The following GALNTL6 variants were observed in gnomAD, a reference collection of about 807,000 sequenced individuals.
The protein encoded by GALNTL6 is polypeptide N-acetylgalactosaminyltransferase like 6, also known as polypeptide N-acetylgalactosaminyltransferase-like 6.
GALNTL6 carries 46 observed loss-of-function variants against 73.7 expected under a neutral mutation model. The ratio of observed to expected loss-of-function variants is 0.62; its 90% CI spans 0.49 to 0.80. GALNTL6 has a LOEUF of 0.80. Among genes scored for constraint, GALNTL6 ranks in the 30% least tolerant of loss-of-function variants. The probability of loss-of-function intolerance (pLI) is 0.00; values close to 1 mark genes in which losing one functional copy is unlikely to be tolerated. For missense variants in GALNTL6, 604 were observed against 755.0 expected, an observed-to-expected ratio of 0.80 and a Z score of 2.34; for synonymous variants, 259 against 263.7, an observed-to-expected ratio of 0.98 and a Z score of 0.17.
At chr4:172,213,955 A>G (rs535980862) in intron 2 of GALNTL6, among the ~76,000 whole-genome samples, 14 of 152,198 alleles carry the variant, frequency 9.2e-5, no homozygotes, top group African/African-American at 3.4e-4. Flanking sequence ...TTTATTTTGG[A>G]TTAATTTTTG....
At chr4:172,310,971 A>T (rs1040136094) in intron 3 of GALNTL6, among the ~76,000 whole-genome samples, 1 of 152,108 alleles carries the variant, frequency 6.6e-6, no homozygotes, top group Non-Finnish European at 1.5e-5. Context: ...AATACAAATG[A>T]TAAAGATATA....
At chr4:172,031,546 A>G (rs896196289) in intron 2 of GALNTL6, among the ~76,000 whole-genome samples, 1 of 152,110 alleles carries the variant, frequency 6.6e-6, no homozygotes, top group Non-Finnish European at 1.5e-5. Context: ...GAAATCTAAA[A>G]CACTGAGTTA....
At chr4:172,692,336 A>G (rs1415320851) in intron 5 of GALNTL6, among the ~76,000 whole-genome samples, 1 of 152,108 alleles carries the variant, frequency 6.6e-6, no homozygotes, top group Non-Finnish European at 1.5e-5. Flanking sequence ...GTCTTAATAC[A>G]TTCTAGATTT....
chr4:172,128,171 T>G (rs1300444665), intron 2 of GALNTL6, among the ~76,000 whole-genome samples: 1 of 152,166 alleles, frequency 6.6e-6, no homozygotes, highest in Non-Finnish European at 1.5e-5. Context: ...ATTCTGAAGA[T>G]ATTTCAATTT....
intron 5 of GALNTL6, among the ~76,000 whole-genome samples, chr4:172,425,759 C>G (rs1731207043): frequency 6.6e-6 from 1 of 151,658 alleles, no homozygotes; most frequent in Non-Finnish European, 1.5e-5. Context: ...TTTATTTTAG[C>G]AAAATAAAAT....
intron 5 of GALNTL6, among the ~76,000 whole-genome samples, chr4:172,623,629 A>G (rs1739047789): frequency 1.3e-5 from 2 of 152,058 alleles, no homozygotes; most frequent in South Asian, 2.1e-4. Flanking sequence ...CAGCTCCTTT[A>G]TTTCTTTTCT....
At chr4:172,785,545 TAA>T (rs142074340) in intron 5 of GALNTL6, among the ~76,000 whole-genome samples, 2 of 151,968 alleles carry the variant, frequency 1.3e-5, no homozygotes, top group Non-Finnish European at 2.9e-5. Flanking sequence ...AGTTATAGCA[TAA>T]AAAAAGTCCT....
At chr4:171,817,868 G>T (rs1734562386) in intron 2 of GALNTL6, among the ~76,000 whole-genome samples, 1 of 151,350 alleles carries the variant, frequency 6.6e-6, no homozygotes, top group Non-Finnish European at 1.5e-5. Context: ...AAATAAATAT[G>T]AAGTTTTTGA....
At chr4:172,813,777 A>G in intron 7 of GALNTL6, 54 bp downstream of exon 7, 1 of 1,413,162 alleles carries the variant, frequency 7.1e-7, no homozygotes, top group Non-Finnish European at 9.7e-7. Flanking sequence ...AACTCATTGC[A>G]GTGTTAAACC....
At chr4:173,019,447 A>G (rs1752906871) in intron 11 of GALNTL6, among the ~76,000 whole-genome samples, 1 of 152,210 alleles carries the variant, frequency 6.6e-6, no homozygotes, top group Admixed American at 6.5e-5. Context: ...GTGGTGAGAC[A>G]GTTATAGGAC....
At chr4:171,889,263 T>C (rs1736692938) in intron 2 of GALNTL6, among the ~76,000 whole-genome samples, 1 of 152,094 alleles carries the variant, frequency 6.6e-6, no homozygotes, top group African/African-American at 2.4e-5. Context: ...GGAAAATATT[T>C]AACATCGTCA....
chr4:172,945,491 T>A (rs1164629213), intron 9 of GALNTL6, among the ~76,000 whole-genome samples: 1 of 152,238 alleles, frequency 6.6e-6, no homozygotes, highest in Non-Finnish European at 1.5e-5. Context: ...CCAGCATTTT[T>A]TAAGACACAT....
At chr4:172,358,638 C>T (rs1190009604) in intron 5 of GALNTL6, among the ~76,000 whole-genome samples, 1 of 152,082 alleles carries the variant, frequency 6.6e-6, no homozygotes, top group Non-Finnish European at 1.5e-5. Context: ...TGCTCCTTGT[C>T]TGAACCATTG....
At chr4:172,184,639 A>G (rs931689206) in intron 2 of GALNTL6, among the ~76,000 whole-genome samples, 1 of 152,166 alleles carries the variant, frequency 6.6e-6, no homozygotes, top group Admixed American at 6.5e-5. Flanking sequence ...ATCAGTTTCT[A>G]AAAACATTTC....
At chr4:172,842,007 T>C (rs1047294386) in intron 7 of GALNTL6, among the ~76,000 whole-genome samples, 2 of 152,192 alleles carry the variant, frequency 1.3e-5, no homozygotes, top group Non-Finnish European at 2.9e-5. Flanking sequence ...CTTATGGTCA[T>C]GACATCCCTG....
intron 9 of GALNTL6, among the ~76,000 whole-genome samples, chr4:172,949,291 G>A (rs771912095): frequency 2.0e-5 from 3 of 152,156 alleles, no homozygotes; most frequent in African/African-American, 4.8e-5. Flanking sequence ...GGCACTTATG[G>A]TCTGAAAGTG....
chr4:173,010,655 C>T (rs945691521), intron 11 of GALNTL6, among the ~76,000 whole-genome samples: 1 of 151,866 alleles, frequency 6.6e-6, no homozygotes, highest in Non-Finnish European at 1.5e-5. Flanking sequence ...AGTGCAGTGG[C>T]GCAATCTCGG....
At chr4:172,351,941 C>T (rs333374) in intron 5 of GALNTL6, among the ~76,000 whole-genome samples, 19,841 of 152,094 alleles carry the variant, frequency 0.13, 1,297 homozygotes, top group East Asian at 0.18. Context: ...TCAAATATTA[C>T]TCCCTTATAT....
chr4:172,596,091 T>C (rs1022842615), intron 5 of GALNTL6, among the ~76,000 whole-genome samples: 3 of 152,200 alleles, frequency 2.0e-5, no homozygotes, highest in African/African-American at 7.2e-5. Context: ...TTTACTAATT[T>C]ATTCCTTAAC....
Sources: allele counts gnomAD v4.1 joint callset (sites outside exome capture counted in the v4.1 genomes callset), GRCh38; gene constraint gnomAD v4.1.1; transcripts MANE v1.5; gene names NCBI Gene and HGNC (gene_info 2026-07-23, HGNC 2026-07-21).